CNTNAP2: variants seen among roughly 807,000 people sequenced by gnomAD.
CNTNAP2 encodes the protein contactin associated protein 2, also known as contactin-associated protein-like 2.
CNTNAP2 carries 98 observed loss-of-function variants against 155.2 expected under a neutral mutation model. The ratio of observed to expected loss-of-function variants is 0.63; its 90% CI spans 0.54 to 0.75. The LOEUF (loss-of-function observed/expected upper bound fraction) is 0.75. Ranked by LOEUF, CNTNAP2 falls within the 30% of genes least tolerant of loss-of-function variation. The pLI is 0.00. For missense variants in CNTNAP2, 1,727 were observed against 1,688.1 expected (o/e 1.02, Z -0.40); for synonymous variants, 651 against 631.2 (o/e 1.03, Z -0.47).
chr7:147,810,389 TA>T (rs371250673), intron 13 of CNTNAP2, among the ~76,000 whole-genome samples: 2,147 of 151,736 alleles, frequency 0.014, 57 homozygotes, highest in African/African-American at 0.048. Flanking sequence ...TTTTCTGTAC[TA>T]AAAAAAACAG....
intron 1 of CNTNAP2, among the ~76,000 whole-genome samples, chr7:146,607,243 C>T (rs1302822215): frequency 6.6e-6 from 1 of 152,128 alleles, no homozygotes; most frequent in African/African-American, 2.4e-5. Flanking sequence ...TCTATGGAAG[C>T]ATTCCCCAAT....
intron 9 of CNTNAP2, among the ~76,000 whole-genome samples, chr7:147,313,786 C>A (rs1191137745): frequency 6.6e-6 from 1 of 151,960 alleles, no homozygotes; most frequent in Non-Finnish European, 1.5e-5. Flanking sequence ...GTAGTTTTTT[C>A]CCATTCTGTG....
chr7:147,112,970 C>A (rs1165421665), intron 5 of CNTNAP2, among the ~76,000 whole-genome samples: 1 of 152,066 alleles, frequency 6.6e-6, no homozygotes, highest in African/African-American at 2.4e-5. Context: ...GTTATCAGCT[C>A]TTCTTTGGAC....
In CNTNAP2 at chr7:148,413,392, C is replaced by CAAAAAAAAA. The variant is rs1184055556; in HGVS notation, c.3797-2023_3797-2015dup. ...GGGCAACAAGAGTGAAACTCCGTCTCAAAAAAAAAATATATATATATATAT... is the reference window on the plus strand; with the variant it reads ...GGGCAACAAGAGTGAAACTCCGTCTCAAAAAAAAAAAAAAAAAAATATATATATATATAT... On this transcript the variant is annotated intron_variant, in intron 23 of 23. Transcript: ENST00000361727. 4.3e-3 allele frequency among the ~76,000 whole-genome samples: 7 copies of CAAAAAAAAA among 1,646 alleles called. 2 individuals carry two copies. The highest frequency in any genetic ancestry group is 6.2e-3 in the Non-Finnish European group (3 of 486). The allele number at this position is 1,646 out of a possible 152,430, so 1.1% of individuals were successfully genotyped here.
intron 15 of CNTNAP2, among the ~76,000 whole-genome samples, chr7:148,007,405 C>T (rs888313486): frequency 6.6e-6 from 1 of 152,070 alleles, no homozygotes; most frequent in Non-Finnish European, 1.5e-5. Flanking sequence ...TTTATGTTGA[C>T]AATATAGAAA....
At chr7:147,361,619 G>C (rs1796148646) in intron 9 of CNTNAP2, among the ~76,000 whole-genome samples, 2 of 152,194 alleles carry the variant, frequency 1.3e-5, no homozygotes, top group African/African-American at 2.4e-5. Flanking sequence ...TATTGAGTAA[G>C]ATAGTCTTAT....
At chr7:147,937,044 TCACCACCAC>T (rs151046019) in intron 14 of CNTNAP2, among the ~76,000 whole-genome samples, 7 of 150,276 alleles carry the variant, frequency 4.7e-5, no homozygotes, top group African/African-American at 9.8e-5. Flanking sequence ...CCTCACCCCC[TCACCACCAC>T]CACCACCACC....
chr7:147,390,917 A>G lies in CNTNAP2; in HGVS notation c.1499-4692A>G, dbSNP rs111655493. Reference sequence around the variant, plus strand: ...GATACATATCTTTTTCCACACACGAAGTACACCCAACCTCCTCTAAAAGCC... The same window carrying G: ...GATACATATCTTTTTCCACACACGAGGTACACCCAACCTCCTCTAAAAGCC... On this transcript the variant is annotated intron_variant, in intron 9 of 23. Transcript: ENST00000361727. Among the ~76,000 whole-genome samples the G allele has an allele frequency of 1.8e-3, 280 of 152,178 alleles. 1 individual carries two copies. The highest frequency in any genetic ancestry group is 6.5e-3 in the African/African-American group (268 of 41,534).
intron 13 of CNTNAP2, among the ~76,000 whole-genome samples, chr7:147,878,424 G>C (rs1799461950): frequency 7.3e-6 from 1 of 136,698 alleles, no homozygotes; most frequent in African/African-American, 3.0e-5. Context: ...GTAATCATTT[G>C]ATAGTAATTT....
chr7:147,159,472 T>G (rs1316988055), intron 8 of CNTNAP2, among the ~76,000 whole-genome samples: 1 of 152,122 alleles, frequency 6.6e-6, no homozygotes, highest in Non-Finnish European at 1.5e-5. Context: ...TGTTCAGATA[T>G]TGTTTGATTT....
rs191342455 is a variant in CNTNAP2, at chr7:146,432,821, T to G, written c.97+315848T>G. Among the ~76,000 whole-genome samples the G allele has an allele frequency of 1.9e-3, 287 of 152,304 alleles. 1 individual carries two copies. The highest frequency in any genetic ancestry group is 6.2e-3 in the African/African-American group (257 of 41,570). ...TCTTTAATATAGTTTATTGTGTTGATGCATTGGTCTCATAAGAATCAAAGC... is the reference window on the plus strand; with the variant it reads ...TCTTTAATATAGTTTATTGTGTTGAGGCATTGGTCTCATAAGAATCAAAGC... On this transcript the variant is annotated intron_variant, in intron 1 of 23. Transcript: ENST00000361727.
At chr7:146,599,166 C>T (rs1354333688) in intron 1 of CNTNAP2, among the ~76,000 whole-genome samples, 1 of 152,116 alleles carries the variant, frequency 6.6e-6, no homozygotes, top group Non-Finnish European at 1.5e-5. Flanking sequence ...GCCATTTTCT[C>T]TTACCTAAAT....
At chr7:147,651,417 G>T (rs554341882) in intron 13 of CNTNAP2, among the ~76,000 whole-genome samples, 4 of 152,220 alleles carry the variant, frequency 2.6e-5, no homozygotes, top group South Asian at 2.1e-4. Flanking sequence ...GTGTTTTTTT[G>T]AATAACTGGA....
At chr7:147,457,389 C>A (rs1402543071) in intron 10 of CNTNAP2, among the ~76,000 whole-genome samples, 1 of 152,136 alleles carries the variant, frequency 6.6e-6, no homozygotes, top group African/African-American at 2.4e-5. Context: ...TCTTCTTCCG[C>A]CATATCCTAC....
At chr7:147,856,573 C>T (rs1799043078) in intron 13 of CNTNAP2, among the ~76,000 whole-genome samples, 1 of 151,458 alleles carries the variant, frequency 6.6e-6, no homozygotes, top group Non-Finnish European at 1.5e-5. Flanking sequence ...GTTTCAAGCG[C>T]CCAATACTTA....
intron 11 of CNTNAP2, among the ~76,000 whole-genome samples, chr7:147,488,227 T>C (rs1798544035): frequency 6.6e-6 from 1 of 152,336 alleles, no homozygotes; most frequent in African/African-American, 2.4e-5. Context: ...TGAACAATTT[T>C]ACATTTTTGC....
At chr7:147,969,401 C>A (rs183750098) in intron 14 of CNTNAP2, among the ~76,000 whole-genome samples, 1 of 152,094 alleles carries the variant, frequency 6.6e-6, no homozygotes, top group East Asian at 1.9e-4. Flanking sequence ...ATTTGGAAAA[C>A]TGGTGGCTTT....
intron 1 of CNTNAP2, among the ~76,000 whole-genome samples, chr7:146,364,216 C>T (rs1484979926): frequency 6.6e-6 from 1 of 152,050 alleles, no homozygotes; most frequent in Non-Finnish European, 1.5e-5. Context: ...AAGTGATTTG[C>T]CCCCAACTGC....
At position 147,395,638 on chromosome 7, in the gene CNTNAP2, C is replaced by A; in HGVS notation, c.1528C>A (p.His510Asn). 1.2e-6 allele frequency: 2 copies of A among 1,612,220 alleles called. No individual in the cohort carries two copies. The highest frequency in any genetic ancestry group is 1.7e-6 in the Non-Finnish European group (2 of 1,178,614). ...GFLNQMNNSS[H>N]SVLQPSFQGC... ...TCTGAACCAGATGAATAACTCAAGT[C>A]ACTCTGTCCTTCAGCCTTCATTCCA... Residue 510 changes from histidine to asparagine, a missense_variant, in exon 10 of 24, where the codon CAC becomes AAC. His to Asn is a moderately conservative substitution (Grantham distance 68, BLOSUM62 1). Transcript: ENST00000361727.
Sources: gnomAD v4.1 joint callset for allele counts (sites outside exome capture counted in the v4.1 genomes callset) on GRCh38, gnomAD v4.1.1 for gene constraint, MANE v1.5 for transcripts, NCBI Gene and HGNC (gene_info 2026-07-23, HGNC 2026-07-21) for gene names.